The following NRG1 variants were observed in gnomAD, a reference collection of about 807,000 sequenced individuals.
NRG1 encodes pro-neuregulin-1, membrane-bound isoform.
A neutral mutation model predicts 63.8 loss-of-function variants in NRG1; 18 were observed. That is an observed-to-expected ratio of 0.28 (90% CI 0.19 to 0.42). The LOEUF (loss-of-function observed/expected upper bound fraction) is 0.42. Ranked by LOEUF, NRG1 falls within the 10% of genes least tolerant of loss-of-function variation. NRG1 has a pLI of 1.00. For missense variants in NRG1, 762 were observed against 814.7 expected (o/e 0.94, Z 0.79); for synonymous variants, 302 against 301.3 (o/e 1.00, Z -0.02).
intron 1 of NRG1, among the ~76,000 whole-genome samples, chr8:31,771,497 A>C (rs550854059): frequency 3.3e-5 from 5 of 152,284 alleles, no homozygotes; most frequent in African/African-American, 1.2e-4. Flanking sequence ...ACTTAACTCC[A>C]TGTGGAATTA....
chr8:31,829,851 A>C (rs939552878), intron 1 of NRG1, among the ~76,000 whole-genome samples: 1 of 152,236 alleles, frequency 6.6e-6, no homozygotes, highest in Non-Finnish European at 1.5e-5. Flanking sequence ...CCAGCTGAGC[A>C]GTGCGAGTTG....
intron 1 of NRG1, among the ~76,000 whole-genome samples, chr8:32,504,258 C>G (rs1261415445): frequency 6.6e-6 from 1 of 152,142 alleles, no homozygotes; most frequent in Non-Finnish European, 1.5e-5. Flanking sequence ...TGTCCATCAC[C>G]TGATGGTCGT....
chr8:31,989,116 G>T (rs1225267462), intron 1 of NRG1, among the ~76,000 whole-genome samples: 1 of 151,428 alleles, frequency 6.6e-6, no homozygotes, highest in Non-Finnish European at 1.5e-5. Flanking sequence ...GGACATGGTG[G>T]TGTGCGCCTG....
intron 1 of NRG1, among the ~76,000 whole-genome samples, chr8:31,815,120 A>G (rs76727678): frequency 0.018 from 2,745 of 152,288 alleles, 88 homozygotes; most frequent in African/African-American, 0.063. Context: ...ATTTTTAAGT[A>G]TACGATTCAC....
chr8:32,573,787 T>A (rs1839093594), intron 1 of NRG1, among the ~76,000 whole-genome samples: 1 of 152,140 alleles, frequency 6.6e-6, no homozygotes, highest in African/African-American at 2.4e-5. Flanking sequence ...TATCTCCTAA[T>A]GCTATCCCTC....
chr8:32,215,550 T>C (rs1845129792), intron 1 of NRG1, among the ~76,000 whole-genome samples: 1 of 152,204 alleles, frequency 6.6e-6, no homozygotes, highest in African/African-American at 2.4e-5. Flanking sequence ...AGTGTATGCA[T>C]GAGGAAATGC....
At chr8:32,264,571 C>T (rs928965066) in intron 1 of NRG1, among the ~76,000 whole-genome samples, 4 of 152,086 alleles carry the variant, frequency 2.6e-5, no homozygotes, top group Admixed American at 1.3e-4. Flanking sequence ...GATAAAAAGA[C>T]GGGAGGGACA....
At chr8:32,067,312 A>G (rs963265399) in intron 1 of NRG1, among the ~76,000 whole-genome samples, 2 of 152,156 alleles carry the variant, frequency 1.3e-5, no homozygotes, top group African/African-American at 2.4e-5. Flanking sequence ...TCAGTATGAT[A>G]TTGGCCGTGG....
chr8:31,898,556 TAGCTGGGTGCAGTGGTGC>T (rs1182577585), intron 1 of NRG1, among the ~76,000 whole-genome samples: 6 of 152,110 alleles, frequency 3.9e-5, no homozygotes. Context: ...ATACAAAAAT[TAGCTGGGTGCAGTGGTGC>T]ACACCTGTAA....
intron 1 of NRG1, among the ~76,000 whole-genome samples, chr8:32,325,654 T>G (rs1388004405): frequency 1.3e-5 from 2 of 152,094 alleles, no homozygotes; most frequent in African/African-American, 4.8e-5. Flanking sequence ...GCTGGGAATA[T>G]AGGCATGTGC....
intron 1 of NRG1, among the ~76,000 whole-genome samples, chr8:32,559,552 A>C (rs1167418565): frequency 6.6e-6 from 1 of 152,188 alleles, no homozygotes; most frequent in Admixed American, 6.5e-5. Flanking sequence ...AAATGTTCTT[A>C]TGTACTTTTT....
At chr8:31,949,755 A>G (rs570916005) in intron 1 of NRG1, among the ~76,000 whole-genome samples, 1 of 152,278 alleles carries the variant, frequency 6.6e-6, no homozygotes, top group Admixed American at 6.5e-5. Flanking sequence ...CATTATTGGC[A>G]GTCTCATGAA....
At chr8:32,218,144 C>G (rs1845439949) in intron 1 of NRG1, among the ~76,000 whole-genome samples, 1 of 152,296 alleles carries the variant, frequency 6.6e-6, no homozygotes, top group South Asian at 2.1e-4. Context: ...TTCTTGCTGT[C>G]TCCTTACATA....
intron 1 of NRG1, among the ~76,000 whole-genome samples, chr8:32,592,436 T>C (rs1271794413): frequency 6.6e-6 from 1 of 152,150 alleles, no homozygotes; most frequent in Non-Finnish European, 1.5e-5. Flanking sequence ...TTAATCTAGA[T>C]CACATTTACA....
intron 1 of NRG1, among the ~76,000 whole-genome samples, chr8:31,941,061 A>G (rs1260969074): frequency 1.5e-5 from 2 of 129,962 alleles, no homozygotes; most frequent in East Asian, 2.0e-4. Flanking sequence ...CAAAGCCAGT[A>G]TCACCCTAAT....
intron 1 of NRG1, among the ~76,000 whole-genome samples, chr8:31,912,421 A>G (rs756265): frequency 0.42 from 63,470 of 151,678 alleles, 14,138 homozygotes; most frequent in African/African-American, 0.57. Flanking sequence ...GGACCCTGGA[A>G]GCAGCTGCTC....
At chr8:31,964,878 C>T (rs773556902) in intron 1 of NRG1, among the ~76,000 whole-genome samples, 15 of 152,150 alleles carry the variant, frequency 9.9e-5, no homozygotes, top group Non-Finnish European at 1.5e-4. Context: ...CATTTCTACT[C>T]AAGCAATCTG....
upstream of NRG1, among the ~76,000 whole-genome samples, chr8:32,546,187 CT>C (rs1469355233): frequency 6.6e-6 from 1 of 152,116 alleles, no homozygotes; most frequent in Admixed American, 6.5e-5. Flanking sequence ...GGCTCTTCCC[CT>C]ATCTCACTGA....
At chr8:32,436,438 T>G (rs1275103691) in intron 1 of NRG1, among the ~76,000 whole-genome samples, 1 of 152,200 alleles carries the variant, frequency 6.6e-6, no homozygotes, top group Admixed American at 6.6e-5. Flanking sequence ...TTTCAACAAA[T>G]AATTTGCTTT....
Sources: allele counts gnomAD v4.1 joint callset (sites outside exome capture counted in the v4.1 genomes callset), GRCh38; gene constraint gnomAD v4.1.1; transcripts MANE v1.5; gene names NCBI Gene and HGNC (gene_info 2026-07-23, HGNC 2026-07-21).